Variants in COBLL1 observed in about 807,000 individuals in gnomAD.
COBLL1 encodes the protein cordon-bleu WH2 repeat protein like 1.
A neutral mutation model predicts 94.8 loss-of-function variants in COBLL1; 50 were observed. The observed-to-expected ratio is 0.53, with a 90% confidence interval of 0.42 to 0.67. The LOEUF (loss-of-function observed/expected upper bound fraction) is 0.67. Among genes scored for constraint, COBLL1 ranks in the 30% least tolerant of loss-of-function variants. The probability of loss-of-function intolerance (pLI) is 0.00; values close to 1 mark genes in which losing one functional copy is unlikely to be tolerated. For missense variants in COBLL1, 1,362 were observed against 1,348.7 expected, an observed-to-expected ratio of 1.01 and a Z score of -0.15; for synonymous variants, 448 against 473.8, an observed-to-expected ratio of 0.95 and a Z score of 0.71.
intron 2 of COBLL1, among the ~76,000 whole-genome samples, chr2:164,746,347 T>C (rs1192130831): frequency 2.0e-5 from 3 of 152,130 alleles, no homozygotes; most frequent in Non-Finnish European, 4.4e-5. Context: ...CTATAGTTCA[T>C]TACTAGAGAA....
At chr2:164,750,608 G>A (rs989318380) in intron 2 of COBLL1, among the ~76,000 whole-genome samples, 2 of 152,156 alleles carry the variant, frequency 1.3e-5, no homozygotes, top group African/African-American at 4.8e-5. Context: ...AGTAGTCAGA[G>A]TGAACTTTTA....
At chr2:164,764,813 G>A (rs1687855616) in intron 2 of COBLL1, among the ~76,000 whole-genome samples, 2 of 152,058 alleles carry the variant, frequency 1.3e-5, no homozygotes, top group South Asian at 4.1e-4. Flanking sequence ...AAATCCATGA[G>A]TTATTAATAA....
At chr2:164,688,276 G>T (rs964966782) in intron 13 of COBLL1, among the ~76,000 whole-genome samples, 1 of 152,094 alleles carries the variant, frequency 6.6e-6, no homozygotes, top group African/African-American at 2.4e-5. Flanking sequence ...TTAAACACAA[G>T]AAGCCATCAA....
chr2:164,744,610 A>T (rs1686771771), intron 2 of COBLL1, among the ~76,000 whole-genome samples: 1 of 152,166 alleles, frequency 6.6e-6, no homozygotes, highest in Non-Finnish European at 1.5e-5. Flanking sequence ...CATTGAGTCC[A>T]GGAGTTTGAG....
At chr2:164,764,303 C>G (rs1297622392) in intron 2 of COBLL1, among the ~76,000 whole-genome samples, 1 of 152,022 alleles carries the variant, frequency 6.6e-6, no homozygotes, top group Admixed American at 6.6e-5. Context: ...GTAATTTTAA[C>G]AAATATTATT....
intron 2 of COBLL1, chr2:164,837,503 A>G (rs1259806215): frequency 2.5e-6 from 1 of 397,546 alleles, no homozygotes; most frequent in Non-Finnish European, 5.1e-6. Context: ...TGCTCTCTGC[A>G]AAAAAAAAAC....
intron 2 of COBLL1, among the ~76,000 whole-genome samples, chr2:164,834,065 G>A (rs1683210532): frequency 6.6e-6 from 1 of 151,808 alleles, no homozygotes; most frequent in East Asian, 1.9e-4. Context: ...AGCAGATGGG[G>A]GAAAAAATTT....
intron 7 of COBLL1, among the ~76,000 whole-genome samples, chr2:164,706,945 G>C (rs1427466500): frequency 1.3e-5 from 2 of 152,042 alleles, no homozygotes; most frequent in Non-Finnish European, 2.9e-5. Flanking sequence ...TAACAACCCG[G>C]TGTCTAGCTT....
intron 7 of COBLL1, among the ~76,000 whole-genome samples, chr2:164,707,644 G>C (rs578201169): frequency 2.6e-5 from 4 of 152,204 alleles, no homozygotes; most frequent in African/African-American, 9.6e-5. Flanking sequence ...ACTGCTGTAT[G>C]TCCAGAACCA....
At chr2:164,713,135 C>T (rs1684989465) in intron 7 of COBLL1, among the ~76,000 whole-genome samples, 1 of 152,160 alleles carries the variant, frequency 6.6e-6, no homozygotes, top group Admixed American at 6.5e-5. Flanking sequence ...TTCCTCCACA[C>T]TCCTGAAAAT....
At chr2:164,784,187 C>T (rs1234894668) in intron 2 of COBLL1, among the ~76,000 whole-genome samples, 7 of 152,118 alleles carry the variant, frequency 4.6e-5, no homozygotes, top group Admixed American at 4.6e-4. Flanking sequence ...TTAGCTCTAA[C>T]TTCATTCACA....
Position 164,694,998 on chromosome 2 carries a change from CGGTTTAA to C in COBLL1, c.2387_2393del (p.Leu796ArgfsTer5), listed in dbSNP as rs1558926285. Reference sequence around the variant, plus strand: ...GATGCTCTGTTCTCAGGTTAGGCTTCGGTTTAAGGTTTGGCAGTGGCTCTTCTGGGCT... The same window carrying C: ...GATGCTCTGTTCTCAGGTTAGGCTTCGGTTTGGCAGTGGCTCTTCTGGGCT... On this transcript the variant is annotated frameshift_variant, in exon 12 of 14. Transcript: ENST00000652658. LOFTEE classifies it high-confidence loss of function. The C allele has an allele frequency of 1.2e-6, 2 of 1,613,754 alleles. No individual in the cohort carries two copies. Among genetic ancestry groups the C allele is most frequent in the African/African-American group, 1.3e-5 (1 of 74,866 alleles).
At position 164,772,497 on chromosome 2, in the gene COBLL1, T is replaced by C. The variant is rs77826938; in HGVS notation, c.42-28622A>G. ...TTGAACATTAAGAATCTCTCCTAAG[T>C]ACATGTATTATTTCTCCTTCATTCT... On this transcript the variant is annotated intron_variant, in intron 2 of 13. Transcript: ENST00000652658. Among the ~76,000 whole-genome samples the C allele has an allele frequency of 5.2e-3, 792 of 152,204 alleles. 12 individuals carry two copies. The highest frequency in any genetic ancestry group is 0.018 in the African/African-American group (732 of 41,592).
chr2:164,693,545 C>T (rs1423539769), intron 12 of COBLL1, among the ~76,000 whole-genome samples: 1 of 152,032 alleles, frequency 6.6e-6, no homozygotes, highest in East Asian at 1.9e-4. Flanking sequence ...TCATCTTCTC[C>T]TTTGACTCTA....
Position 164,728,038 on chromosome 2 carries a change from G to C in COBLL1, c.592C>G (p.Pro198Ala). 6.2e-7 allele frequency: 1 copy of C among 1,613,740 alleles called. No homozygotes were observed. Among genetic ancestry groups the C allele is most frequent in the Non-Finnish European group, 8.5e-7 (1 of 1,179,708 alleles). Residue 198 changes from proline (P) to alanine (A), a missense_variant, in exon 5 of 14, where the codon CCT becomes GCT. Pro to Ala is a conservative substitution (Grantham distance 27). Coordinates refer to ENST00000652658, the MANE Select transcript of COBLL1 (RefSeq NM_001365672.2). The stretch of plus-strand genomic sequence containing the variant: ...TTAAGAGATTTTGTCAAGTCAAGAG[G>C]CTCCTGCGATTGATAATCTTTCAAC... ...LLLKDYQSQE[P>A]LDLTKSLNDL...
In COBLL1 at chr2:164,705,623, A is replaced by T. The variant is rs190290390; in HGVS notation, c.997-518T>A. Among the ~76,000 whole-genome samples the T allele has an allele frequency of 7.2e-5, 11 of 152,294 alleles. No homozygotes were observed. The East Asian group carries it at 2.1e-3, about 29-fold the overall frequency. ...CCCGTGACTGTCAGCAGACCCTAAG[A>T]CATCCTCCTTCAGCAGGGGTCAGTG... On this transcript the variant is annotated intron_variant, in intron 7 of 13. Coordinates refer to ENST00000652658, the MANE Select transcript of COBLL1 (RefSeq NM_001365672.2).
At chr2:164,797,865 T>C (rs1044366294) in intron 2 of COBLL1, among the ~76,000 whole-genome samples, 16 of 152,214 alleles carry the variant, frequency 1.1e-4, no homozygotes, top group Non-Finnish European at 2.2e-4. Context: ...CAGATACAAA[T>C]GTTACTAAAT....
In COBLL1 at chr2:164,694,484, T is replaced by C; in HGVS notation, c.2908A>G (p.Thr970Ala). The C allele has an allele frequency of 2.4e-5, 38 of 1,613,938 alleles. No individual in the cohort carries two copies. Among genetic ancestry groups the C allele is most frequent in the Non-Finnish European group, 3.1e-5 (37 of 1,179,928 alleles). Residue 970 changes from threonine to alanine, a missense_variant, in exon 12 of 14, where the codon ACT becomes GCT. Coordinates refer to ENST00000652658, the MANE Select transcript of COBLL1 (RefSeq NM_001365672.2). Reference sequence around the variant, plus strand: ...CGTGGGGCACCAAAAGTTTTCAAAGTCTTCAGATTTTGTGTGGATACCTGA... The same window carrying C: ...CGTGGGGCACCAAAAGTTTTCAAAGCCTTCAGATTTTGTGTGGATACCTGA... Reference protein sequence around the residue: ...ASQVSTQNLKTLKTFGAPRPY... With the variant: ...ASQVSTQNLKALKTFGAPRPY...
At chr2:164,801,438 C>CA (rs143505097) in intron 2 of COBLL1, among the ~76,000 whole-genome samples, 495 of 28,208 alleles carry the variant, frequency 0.018, 131 homozygotes, top group South Asian at 0.035. Context: ...GACTCCGTCT[C>CA]AAAAAAAAAA....
Sources: gnomAD v4.1 joint callset for allele counts (sites outside exome capture counted in the v4.1 genomes callset) on GRCh38, gnomAD v4.1.1 for gene constraint, MANE v1.5 for transcripts, NCBI Gene and HGNC (gene_info 2026-07-23, HGNC 2026-07-21) for gene names.